RPTOR: variants seen among roughly 807,000 people sequenced by gnomAD.
RPTOR encodes regulatory associated protein of MTOR complex 1, also known as regulatory-associated protein of mTOR.
RPTOR carries 21 observed loss-of-function variants against 169.9 expected under a neutral mutation model. That is an observed-to-expected ratio of 0.12 (90% confidence interval 0.09 to 0.18). The LOEUF is 0.18. Ranked by LOEUF, RPTOR falls within the 10% of genes least tolerant of loss-of-function variation. The probability of loss-of-function intolerance (pLI) is 1.00; values close to 1 mark genes in which losing one functional copy is unlikely to be tolerated. For missense variants in RPTOR, 1,133 were observed against 1,855.9 expected, an observed-to-expected ratio of 0.61 and a Z score of 7.16; for synonymous variants, 732 against 753.2, an observed-to-expected ratio of 0.97 and a Z score of 0.46.
intron 9 of RPTOR, among the ~76,000 whole-genome samples, chr17:80,831,858 T>C (rs1177704759): frequency 6.6e-6 from 1 of 151,998 alleles, no homozygotes; most frequent in African/African-American, 2.4e-5. Flanking sequence ...TGTGTGTGCC[T>C]GTATGTCACC....
intron 20 of RPTOR, among the ~76,000 whole-genome samples, chr17:80,902,982 C>T (rs557740882): frequency 4.6e-5 from 7 of 152,362 alleles, no homozygotes; most frequent in South Asian, 2.1e-4. Context: ...ATCCCGAGAG[C>T]GCTGGCAGGA....
At chr17:80,887,385 G>T (rs1205082620) in intron 17 of RPTOR, among the ~76,000 whole-genome samples, 3 of 139,720 alleles carry the variant, frequency 2.1e-5, no homozygotes, top group African/African-American at 5.1e-5. Flanking sequence ...TGACTCTTGG[G>T]GGGGGTGCTG....
intron 2 of RPTOR, among the ~76,000 whole-genome samples, chr17:80,634,385 CTG>C (rs1192874143): frequency 2.5e-4 from 26 of 104,044 alleles, no homozygotes; most frequent in South Asian, 9.5e-4. Flanking sequence ...TGTGTGCATA[CTG>C]TGTGCGTGTG....
intron 1 of RPTOR, among the ~76,000 whole-genome samples, chr17:80,554,787 A>AAC (rs1568300937): frequency 3.8e-4 from 55 of 143,224 alleles, no homozygotes; most frequent in East Asian, 3.0e-3. Flanking sequence ...ACAACAACAA[A>AAC]AAAAATGAGA....
intron 4 of RPTOR, among the ~76,000 whole-genome samples, chr17:80,719,609 C>T (rs2066268129): frequency 6.6e-6 from 1 of 152,182 alleles, no homozygotes; most frequent in South Asian, 2.1e-4. Context: ...ACTTGTGCCA[C>T]CATTCTCAGA....
Position 80,845,630 on chromosome 17 carries a change from G to A in RPTOR, c.1213-843G>A, listed in dbSNP as rs936852070. 2.7e-5 allele frequency among the ~76,000 whole-genome samples: 4 copies of A among 149,640 alleles called. No individual in the cohort carries two copies. Among genetic ancestry groups the A allele is most frequent in the Admixed American group, 6.7e-5 (1 of 15,036 alleles). On this transcript the variant is annotated intron_variant, in intron 10 of 33. Transcript: ENST00000306801. The surrounding 1 kb of genome is among the most constrained non-coding windows in gnomAD (Gnocchi z 5.4). ...CTCCAGCAGCCTTTCCCCACCCTCC[G>A]TGCCCCCAGCTGGGTCTTTCTCACC...
intron 1 of RPTOR, among the ~76,000 whole-genome samples, chr17:80,553,325 G>A (rs140049606): frequency 6.6e-6 from 1 of 152,176 alleles, no homozygotes; most frequent in Non-Finnish European, 1.5e-5. Flanking sequence ...AGGAATCACC[G>A]ACAGGCCGCC....
chr17:80,817,722 G>A (rs966498905), intron 7 of RPTOR, among the ~76,000 whole-genome samples: 13 of 152,278 alleles, frequency 8.5e-5, no homozygotes, highest in South Asian at 2.1e-4. Context: ...AATCAAAGGC[G>A]AGGGCTGGAG....
intron 28 of RPTOR, among the ~76,000 whole-genome samples, chr17:80,954,664 G>A (rs533965516): frequency 1.8e-4 from 27 of 152,320 alleles, no homozygotes; most frequent in South Asian, 4.1e-4. Context: ...GGTGGCTCAC[G>A]CCTGTAATCC....
rs139152628 is a variant in RPTOR at position 80,859,518 on chromosome 17, G to A, written c.1509+1618G>A. ...CTGGGCTCGGAGCCAGGTTGGCAGG[G>A]AGCCCCGGGAAGAAGCCAAGTCAGT... is the stretch of plus-strand genomic sequence containing the variant. On this transcript the variant is annotated intron_variant, in intron 13 of 33. Coordinates refer to ENST00000306801, the MANE Select transcript of RPTOR (RefSeq NM_020761.3). Among the ~76,000 whole-genome samples the A allele has an allele frequency of 3.3e-3, 502 of 152,348 alleles. 1 individual carries two copies. The highest frequency in any genetic ancestry group is 5.9e-3 in the Admixed American group (91 of 15,312).
chr17:80,676,286 T>G (rs533055867), intron 3 of RPTOR, among the ~76,000 whole-genome samples: 2 of 152,352 alleles, frequency 1.3e-5, no homozygotes, highest in South Asian at 4.1e-4. Flanking sequence ...TGGGATTTGA[T>G]TAAATGTAAA....
Position 80,857,857 on chromosome 17 carries a change from C to G in RPTOR, c.1466C>G (p.Pro489Arg). The G allele has an allele frequency of 6.2e-7, 1 of 1,613,414 alleles. No homozygotes were observed. ...CAGAGCTCGGCCCGAGAGCTGCGGC[C>G]ACTTCTCGTTTTCATCTGGGCCAAG... is the stretch of plus-strand genomic sequence containing the variant. ...LLQSSARELRPLLVFIWAKIL... is the reference protein window; with the variant it reads ...LLQSSARELRRLLVFIWAKIL... Residue 489 changes from proline (P) to arginine (R), a missense_variant, in exon 13 of 34, where the codon CCA (proline) becomes CGA (arginine). Pro to Arg is a moderately radical substitution (Grantham distance 103). Coordinates refer to ENST00000306801, the MANE Select transcript of RPTOR (RefSeq NM_020761.3).
intron 9 of RPTOR, among the ~76,000 whole-genome samples, chr17:80,835,789 C>T (rs768567591): frequency 6.6e-6 from 1 of 152,194 alleles, no homozygotes; most frequent in Non-Finnish European, 1.5e-5. Flanking sequence ...ATTCCAAAAC[C>T]TGAAAATATC....
chr17:80,905,928 C>A (rs12601517), intron 20 of RPTOR, among the ~76,000 whole-genome samples: 2 of 152,240 alleles, frequency 1.3e-5, no homozygotes, highest in African/African-American at 4.8e-5. Flanking sequence ...ATAAGGCCAG[C>A]TGCCCCTCAC....
Position 80,545,222 on chromosome 17 carries a change from C to T in RPTOR, c.-408C>T, listed in dbSNP as rs1438858141. 9 of 236,712 alleles carry T rather than the reference C, an allele frequency of 3.8e-5. No homozygotes were observed. The highest frequency in any genetic ancestry group is 3.3e-4 in the Admixed American group (6 of 17,938). 14.7% of individuals were successfully genotyped at this position (236,712 alleles called of 1,614,324 possible). ...GTCGGCCCAGTGGGCGAACCGGCAC[C>T]AAGAGCGGCCTGCCTGTCTTCGGAA... On this transcript the variant is annotated 5_prime_UTR_variant, in exon 1 of 34. Coordinates refer to ENST00000306801, the MANE Select transcript of RPTOR (RefSeq NM_020761.3).
intron 6 of RPTOR, among the ~76,000 whole-genome samples, chr17:80,779,746 G>A (rs116384932): frequency 0.013 from 1,904 of 152,278 alleles, 24 homozygotes; most frequent in Middle Eastern, 0.078. Flanking sequence ...ACCAGCTCTT[G>A]GCATAGTTTC....
chr17:80,884,045 C>T (rs1598376833), intron 16 of RPTOR, 73 bp downstream of exon 16: 5 of 1,489,926 alleles, frequency 3.4e-6, no homozygotes, highest in East Asian at 2.3e-5. Context: ...GGTCTGCTCG[C>T]GTGCGGGTGT....
At position 80,651,932 on chromosome 17, in the gene RPTOR, C is replaced by T. The variant is rs1002473502; in HGVS notation, c.348+8122C>T. On this transcript the variant is annotated intron_variant, in intron 3 of 33. Transcript: ENST00000306801. This position sits in a 1 kb window ranked among gnomAD's most constrained non-coding sequence, Gnocchi z 4.1. The stretch of plus-strand genomic sequence containing the variant: ...CTGAGGCAGGAGAATGGCATGAACC[C>T]GGGAGGTGGAGCTTGCAGTGAGCTG... 5.3e-5 allele frequency among the ~76,000 whole-genome samples: 8 copies of T among 151,694 alleles called. No individual in the cohort carries two copies. The highest frequency in any genetic ancestry group is 1.2e-4 in the African/African-American group (5 of 41,256).
chr17:80,925,350 CT>C lies in RPTOR; in HGVS notation c.2809-19del. 1 of 1,606,956 alleles carries C rather than the reference CT, an allele frequency of 6.2e-7. No individual in the cohort carries two copies. The highest frequency in any genetic ancestry group is 8.5e-7 in the Non-Finnish European group (1 of 1,174,434). On this transcript the variant is annotated intron_variant, in intron 23 of 33. Transcript: ENST00000306801. ...CTGGTGTTTCTTTTTCCTTCCAACC[CT>C]CCTGCTTAAACCCTGAAGACTGCGG...
Sources: allele counts gnomAD v4.1 joint callset (sites outside exome capture counted in the v4.1 genomes callset), GRCh38; gene constraint gnomAD v4.1.1; non-coding constraint Gnocchi (gnomAD v3.1); transcripts MANE v1.5; gene names NCBI Gene and HGNC (gene_info 2026-07-23, HGNC 2026-07-21).